Variants in HIBCH observed in about 807,000 individuals in gnomAD.
The protein encoded by HIBCH is 3-hydroxyisobutyryl-CoA hydrolase, mitochondrial.
A neutral mutation model predicts 58.2 loss-of-function variants in HIBCH; 50 were observed. That is an observed-to-expected ratio of 0.86 (90% CI 0.68 to 1.09). The LOEUF is 1.09. Ranked by LOEUF, HIBCH falls within the 50% of genes least tolerant of loss-of-function variation. HIBCH has a pLI of 0.00. For missense variants in HIBCH, 450 were observed against 449.7 expected, an observed-to-expected ratio of 1.00 and a Z score of -0.01; for synonymous variants, 151 against 146.9, an observed-to-expected ratio of 1.03 and a Z score of -0.20.
intron 1 of HIBCH, among the ~76,000 whole-genome samples, chr2:190,312,363 A>T (rs955177242): frequency 1.3e-5 from 2 of 152,268 alleles, no homozygotes; most frequent in Admixed American, 1.3e-4. Context: ...TTTTTGTTTA[A>T]GAAGCTAAAT....
intron 6 of HIBCH, among the ~76,000 whole-genome samples, chr2:190,273,849 G>A (rs1023180568): frequency 6.6e-6 from 1 of 151,442 alleles, no homozygotes; most frequent in Non-Finnish European, 1.5e-5. Context: ...TTTTCCTGCG[G>A]CAGGGTCTCA....
At chr2:190,265,176 A>G (rs1687198932) in intron 6 of HIBCH, among the ~76,000 whole-genome samples, 1 of 150,846 alleles carries the variant, frequency 6.6e-6, no homozygotes, top group Non-Finnish European at 1.5e-5. Context: ...ACTTTAAAAT[A>G]TATCAAAACA....
chr2:190,206,275 G>C lies in HIBCH; in HGVS notation c.1046-1043C>G, dbSNP rs974950852. On this transcript the variant is annotated intron_variant, in intron 13 of 13. Transcript: ENST00000359678. This position sits in a 1 kb window ranked among gnomAD's most constrained non-coding sequence, Gnocchi z 5.1. The stretch of plus-strand genomic sequence containing the variant: ...ACTATGAGATTCTGGTATCAGATCA[G>C]TGGCGATATTAAATACTGATGTTCT... 1.3e-5 allele frequency among the ~76,000 whole-genome samples: 2 copies of C among 152,126 alleles called. No individual in the cohort carries two copies. The highest frequency in any genetic ancestry group is 2.9e-5 in the Non-Finnish European group (2 of 68,018).
chr2:190,207,704 A>G lies in HIBCH; in HGVS notation c.1045+1176T>C, dbSNP rs1690424766. Among the ~76,000 whole-genome samples the G allele has an allele frequency of 6.6e-6, 1 of 152,120 alleles. No individual in the cohort carries two copies. Among genetic ancestry groups the G allele is most frequent in the Admixed American group, 6.6e-5 (1 of 15,260 alleles). On this transcript the variant is annotated intron_variant, in intron 13 of 13. Transcript: ENST00000359678. The surrounding 1 kb of genome is among the most constrained non-coding windows in gnomAD (Gnocchi z 4.5). Reference sequence around the variant, plus strand: ...AAGACCAGCCTGGCCAACATGGTGAAACCCCGTTTCTACTAAAAATACAAA... The same window carrying G: ...AAGACCAGCCTGGCCAACATGGTGAGACCCCGTTTCTACTAAAAATACAAA...
intron 11 of HIBCH, among the ~76,000 whole-genome samples, chr2:190,234,299 C>T (rs1166183408): frequency 6.6e-6 from 1 of 152,194 alleles, no homozygotes; most frequent in Non-Finnish European, 1.5e-5. Flanking sequence ...GATTTTATAG[C>T]ACTACTTCTG....
chr2:190,308,072 G>C (rs958896456), intron 2 of HIBCH, among the ~76,000 whole-genome samples: 1 of 152,026 alleles, frequency 6.6e-6, no homozygotes, highest in African/African-American at 2.4e-5. Flanking sequence ...AGAATTGCTT[G>C]GGATACATCT....
At chr2:190,298,785 T>C (rs1379249854) in intron 2 of HIBCH, among the ~76,000 whole-genome samples, 1 of 152,202 alleles carries the variant, frequency 6.6e-6, no homozygotes, top group African/African-American at 2.4e-5. Flanking sequence ...TTTGTTGCAA[T>C]TGCTTTTGGT....
At chr2:190,263,774 A>C (rs527536598) in intron 6 of HIBCH, among the ~76,000 whole-genome samples, 2 of 152,274 alleles carry the variant, frequency 1.3e-5, no homozygotes, top group East Asian at 3.9e-4. Flanking sequence ...CTCAGGCCAA[A>C]CATCTCAGCA....
intron 7 of HIBCH, among the ~76,000 whole-genome samples, chr2:190,258,258 A>G (rs762659102): frequency 5.3e-5 from 8 of 151,576 alleles, no homozygotes; most frequent in Non-Finnish European, 8.8e-5. Context: ...ATTTCTGGAG[A>G]CCTCCCCAAT....
chr2:190,287,610 A>G lies in HIBCH; in HGVS notation c.414T>C (p.Leu138=). Residue 138 remains leucine, a synonymous_variant, in exon 6 of 14, where the codon CTT becomes CTC. Coordinates refer to ENST00000359678, the MANE Select transcript of HIBCH (RefSeq NM_014362.4). Reference sequence around the variant, plus strand: ...CCCCACCCATTGTAATTCCATGAATAAGTGCAACATAAGGTTTCTGGCAAG... The same window carrying G: ...CCCCACCCATTGTAATTCCATGAATGAGTGCAACATAAGGTTTCTGGCAAG... The part of the protein sequence containing the change: ...VGSCQKPYVA[L]IHGITMGGGV... The G allele has an allele frequency of 6.2e-7, 1 of 1,611,634 alleles. No individual in the cohort carries two copies. Among genetic ancestry groups the G allele is most frequent in the Non-Finnish European group, 8.5e-7 (1 of 1,177,852 alleles).
downstream of HIBCH, chr2:190,199,573 T>C (rs1180196671): frequency 2.5e-6 from 1 of 392,558 alleles, no homozygotes. Flanking sequence ...AAGATAAAGC[T>C]GTTTGTTTTT....
intron 5 of HIBCH, among the ~76,000 whole-genome samples, chr2:190,290,158 C>A (rs940425434): frequency 1.3e-5 from 2 of 152,136 alleles, no homozygotes; most frequent in Non-Finnish European, 2.9e-5. Flanking sequence ...GGATTACAGG[C>A]GTGAGCCACC....
intron 7 of HIBCH, among the ~76,000 whole-genome samples, chr2:190,259,905 G>T (rs1020757304): frequency 6.6e-6 from 1 of 152,096 alleles, no homozygotes; most frequent in Non-Finnish European, 1.5e-5. Flanking sequence ...ATGAGAGCAG[G>T]CATCATTGTC....
rs142770830 is a variant in HIBCH, at chr2:190,195,357, A to T, written c.*18-5360T>A. Among the ~76,000 whole-genome samples the T allele has an allele frequency of 3.2e-3, 465 of 143,844 alleles. 1 individual carries two copies. The highest frequency in any genetic ancestry group is 0.011 in the African/African-American group (447 of 40,972). The allele number at this position is 143,844 out of a possible 152,430, so 94.4% of individuals were successfully genotyped here. ...AAATACCAAGAAGCAGAACTGCTGG[A>T]TCATACAGTAAGAATGTTTCACTTT... On this transcript the variant is annotated intron_variant, in intron 1 of 1. Coordinates refer to the HIBCH transcript ENST00000399855.
intron 11 of HIBCH, among the ~76,000 whole-genome samples, chr2:190,240,305 C>G (rs1323521825): frequency 6.6e-6 from 1 of 152,148 alleles, no homozygotes; most frequent in South Asian, 2.1e-4. Context: ...TTACAGCATT[C>G]TCTGATGGTA....
intron 11 of HIBCH, among the ~76,000 whole-genome samples, chr2:190,230,337 C>T (rs943968110): frequency 3.3e-5 from 5 of 152,150 alleles, no homozygotes; most frequent in African/African-American, 1.2e-4. Flanking sequence ...ACAGGTACCA[C>T]AGACATCAAA....
intron 1 of HIBCH, among the ~76,000 whole-genome samples, chr2:190,195,944 T>TC (rs34163153): frequency 0.18 from 24,738 of 140,426 alleles, 2,718 homozygotes; most frequent in East Asian, 0.36. Context: ...TGTCCAGCTT[T>TC]TTTTTTTTTT....
intron 9 of HIBCH, among the ~76,000 whole-genome samples, chr2:190,246,755 C>T (rs1213280119): frequency 6.6e-6 from 1 of 152,218 alleles, no homozygotes; most frequent in African/African-American, 2.4e-5. Flanking sequence ...TCCCACATGA[C>T]ACAGTTTTGT....
intron 6 of HIBCH, among the ~76,000 whole-genome samples, chr2:190,278,385 G>A (rs1687614760): frequency 2.0e-5 from 3 of 152,108 alleles, no homozygotes; most frequent in African/African-American, 7.2e-5. Flanking sequence ...TGTATTTTTA[G>A]TAGAGAGGGG....
Sources: allele counts gnomAD v4.1 joint callset (sites outside exome capture counted in the v4.1 genomes callset), GRCh38; gene constraint gnomAD v4.1.1; non-coding constraint Gnocchi (gnomAD v3.1); transcripts MANE v1.5; gene names NCBI Gene and HGNC (gene_info 2026-07-23, HGNC 2026-07-21).